The following AP1G1 variants were observed in gnomAD, a reference collection of about 807,000 sequenced individuals.
AP1G1 encodes AP-1 complex subunit gamma-1.
In AP1G1, 7 loss-of-function variants were observed where a neutral mutation model predicts 108.3. That is an observed-to-expected ratio of 0.06 (90% confidence interval 0.04 to 0.12). AP1G1 has a LOEUF of 0.12. Among genes scored for constraint, AP1G1 ranks in the 10% least tolerant of loss-of-function variants. The pLI is 1.00. For synonymous variants in AP1G1, 379 were observed against 353.5 expected, an observed-to-expected ratio of 1.07 and a Z score of -0.81; for missense variants, 756 against 1,010.7, an observed-to-expected ratio of 0.75 and a Z score of 3.42.
intron 1 of AP1G1, among the ~76,000 whole-genome samples, chr16:71,790,113 A>C (rs1343037388): frequency 6.9e-6 from 1 of 144,190 alleles, no homozygotes; most frequent in African/African-American, 2.6e-5. Context: ...AAAAAAAAAA[A>C]CGTTAATAAG....
chr16:71,749,361 T>C (rs1269587672), intron 15 of AP1G1, among the ~76,000 whole-genome samples: 1 of 151,856 alleles, frequency 6.6e-6, no homozygotes, highest in Non-Finnish European at 1.5e-5. Context: ...TGCCTGCCTA[T>C]AGTCCCAGCT....
At chr16:71,763,347 C>A (rs977188067) in intron 9 of AP1G1, among the ~76,000 whole-genome samples, 1 of 152,022 alleles carries the variant, frequency 6.6e-6, no homozygotes, top group Non-Finnish European at 1.5e-5. Context: ...TGGTGGTTGC[C>A]AGGGACTACA....
At chr16:71,747,396 T>G (rs936625841) in intron 16 of AP1G1, 1 of 152,078 alleles carries the variant, frequency 6.6e-6, no homozygotes, top group Non-Finnish European at 1.5e-5. Flanking sequence ...CTGGCCAAAA[T>G]GGTGAAACCC....
intron 2 of AP1G1, among the ~76,000 whole-genome samples, chr16:71,774,867 T>C (rs949936603): frequency 4.7e-5 from 7 of 150,456 alleles, no homozygotes; most frequent in African/African-American, 9.8e-5. Context: ...ATTACAGGAA[T>C]TAGCCACCAT....
chr16:71,802,449 GC>G (rs1428327892), intron 1 of AP1G1, among the ~76,000 whole-genome samples: 1 of 152,064 alleles, frequency 6.6e-6, no homozygotes, highest in Non-Finnish European at 1.5e-5. Flanking sequence ...AAAATTTTGG[GC>G]CAGGCGCGGT....
chr16:71,783,289 G>C (rs989371206), intron 2 of AP1G1, among the ~76,000 whole-genome samples: 3 of 152,084 alleles, frequency 2.0e-5, no homozygotes, highest in African/African-American at 7.2e-5. Context: ...AACTGCCATT[G>C]TTTGCAGACA....
At chr16:71,763,326 G>C (rs761424761) in intron 9 of AP1G1, among the ~76,000 whole-genome samples, 1 of 152,124 alleles carries the variant, frequency 6.6e-6, no homozygotes, top group Non-Finnish European at 1.5e-5. Flanking sequence ...ATTCACAGAC[G>C]GAAAGTAGAA....
At chr16:71,762,563 A>G (rs2031138694) in intron 9 of AP1G1, among the ~76,000 whole-genome samples, 1 of 152,164 alleles carries the variant, frequency 6.6e-6, no homozygotes, top group South Asian at 2.1e-4. Flanking sequence ...TTAATCAATC[A>G]TGTCTGTGTA....
chr16:71,733,438 T>TTTTTC (rs747008630), intron 22 of AP1G1, among the ~76,000 whole-genome samples: 2 of 152,084 alleles, frequency 1.3e-5, no homozygotes, highest in African/African-American at 2.4e-5. Flanking sequence ...TTGGGAGCAT[T>TTTTTC]TTTTCTTTTC....
chr16:71,735,214 G>A (rs2045518567), intron 21 of AP1G1, among the ~76,000 whole-genome samples: 1 of 152,200 alleles, frequency 6.6e-6, no homozygotes, highest in South Asian at 2.1e-4. Context: ...TTTAAAGCCT[G>A]CATAATCTAT....
chr16:71,800,224 AG>A (rs35937292), intron 1 of AP1G1, among the ~76,000 whole-genome samples: 75,919 of 148,648 alleles, frequency 0.51, 19,734 homozygotes, highest in Middle Eastern at 0.65. Context: ...CAAAAAAATT[AG>A]CCGGGTGTGG....
At chr16:71,794,864 T>TTTTTTTTA in intron 1 of AP1G1, among the ~76,000 whole-genome samples, 1 of 121,330 alleles carries the variant, frequency 8.2e-6, no homozygotes, top group Non-Finnish European at 1.7e-5. Flanking sequence ...TTTTTTTTTT[T>TTTTTTTTA]ACTTTGAAAT....
At chr16:71,789,921 A>G (rs534291080) in intron 1 of AP1G1, among the ~76,000 whole-genome samples, 2 of 152,222 alleles carry the variant, frequency 1.3e-5, no homozygotes, top group South Asian at 4.1e-4. Flanking sequence ...GGTCACAATC[A>G]TAGCTCAACT....
chr16:71,808,108 G>A, intron 1 of AP1G1: 2 of 1,153,328 alleles, frequency 1.7e-6, no homozygotes, highest in South Asian at 3.6e-5. Flanking sequence ...CAATCAGGAA[G>A]ACCGGGAGAA....
At chr16:71,758,493 C>T (rs767396778) in intron 11 of AP1G1, 10 of 545,370 alleles carry the variant, frequency 1.8e-5, no homozygotes, top group Non-Finnish European at 3.2e-5. Context: ...ACACAAAGCA[C>T]AGTACCTCCA....
In AP1G1 at chr16:71,789,493, A is replaced by G. The variant is rs1398787092; in HGVS notation, c.-3-11T>C. On this transcript the variant is annotated splice_polypyrimidine_tract_variant and intron_variant, in intron 1 of 22. Coordinates refer to ENST00000299980, the MANE Select transcript of AP1G1 (RefSeq NM_001128.6). ...GGGGGCTGGCATCCTCTGGATATGGAAAGACATTAAATAGAGATGTTCACA... is the reference window on the plus strand; with the variant it reads ...GGGGGCTGGCATCCTCTGGATATGGGAAGACATTAAATAGAGATGTTCACA... The G allele has an allele frequency of 6.2e-7, 1 of 1,612,668 alleles. No homozygotes were observed.
At chr16:71,760,516 G>C (rs1216050817) in intron 10 of AP1G1, among the ~76,000 whole-genome samples, 2 of 148,220 alleles carry the variant, frequency 1.3e-5, no homozygotes, top group Non-Finnish European at 3.0e-5. Flanking sequence ...CTGCACTCCA[G>C]CCTGGGCAAC....
At chr16:71,733,910 T>A (rs2045501297) in intron 22 of AP1G1, among the ~76,000 whole-genome samples, 1 of 152,228 alleles carries the variant, frequency 6.6e-6, no homozygotes, top group South Asian at 2.1e-4. Flanking sequence ...ACACTTTTTG[T>A]ATGGCAGATT....
chr16:71,775,929 AC>A (rs1232509892), intron 2 of AP1G1, among the ~76,000 whole-genome samples: 2 of 152,182 alleles, frequency 1.3e-5, no homozygotes, highest in African/African-American at 4.8e-5. Flanking sequence ...TTCTTGAACC[AC>A]CTTCAAAATC....
Sources: gnomAD v4.1 joint callset for allele counts (sites outside exome capture counted in the v4.1 genomes callset) on GRCh38, gnomAD v4.1.1 for gene constraint, MANE v1.5 for transcripts, NCBI Gene and HGNC (gene_info 2026-07-23, HGNC 2026-07-21) for gene names.